EVA1C: variants seen among roughly 807,000 people sequenced by gnomAD.
The protein encoded by EVA1C is eva-1 homolog C.
EVA1C carries 25 observed loss-of-function variants against 45.4 expected under a neutral mutation model. The ratio of observed to expected loss-of-function variants is 0.55; its 90% CI spans 0.40 to 0.77. The LOEUF (loss-of-function observed/expected upper bound fraction) is 0.77, where lower values mean the gene tolerates loss of function less well. Ranked by LOEUF, EVA1C falls within the 30% of genes least tolerant of loss-of-function variation. The pLI is 0.00. For missense variants in EVA1C, 479 were observed against 554.8 expected, an observed-to-expected ratio of 0.86 and a Z score of 1.37; for synonymous variants, 190 against 221.2, an observed-to-expected ratio of 0.86 and a Z score of 1.25.
intron 1 of EVA1C, among the ~76,000 whole-genome samples, chr21:32,417,984 T>G (rs2034116877): frequency 6.6e-6 from 1 of 152,144 alleles, no homozygotes; most frequent in African/African-American, 2.4e-5. Context: ...CTTCTGCCCA[T>G]GCATCAGGTC....
chr21:32,470,974 G>C (rs1467752885), intron 4 of EVA1C, among the ~76,000 whole-genome samples: 1 of 151,930 alleles, frequency 6.6e-6, no homozygotes, highest in Non-Finnish European at 1.5e-5. Context: ...GGCCAGGCTG[G>C]TCTCAAACTC....
chr21:32,482,220 C>T (rs890260787), intron 4 of EVA1C, among the ~76,000 whole-genome samples: 3 of 152,130 alleles, frequency 2.0e-5, no homozygotes, highest in South Asian at 2.1e-4. Context: ...GATGGTCTTC[C>T]GGGACCTTAA....
chr21:32,418,814 G>A (rs139109510), intron 1 of EVA1C, among the ~76,000 whole-genome samples: 1 of 152,244 alleles, frequency 6.6e-6, no homozygotes, highest in East Asian at 1.9e-4. Context: ...GGTCATTGCT[G>A]CCATTTTGGT....
Position 32,503,863 on chromosome 21 carries a change from G to C in EVA1C, c.860-63G>C, listed in dbSNP as rs529786390. 1.0e-4 allele frequency: 120 copies of C among 1,162,842 alleles called. No individual in the cohort carries two copies. The African/African-American group carries it at 1.7e-3, about 17-fold the overall frequency. The allele number at this position is 1,162,842 out of a possible 1,614,324, so 72.0% of individuals were successfully genotyped here. ...TCCCTGGGGTAGGAGCAGCAGGGGT[G>C]TCTTAGAATAGGCGTACTATGAACA... On this transcript the variant is annotated intron_variant, in intron 6 of 7. Transcript: ENST00000300255.
chr21:32,449,922 C>G (rs779917501), intron 1 of EVA1C, among the ~76,000 whole-genome samples: 1 of 152,018 alleles, frequency 6.6e-6, no homozygotes, highest in Admixed American at 6.5e-5. Flanking sequence ...CACAACTGGC[C>G]GGGCCTAGGT....
At chr21:32,476,799 G>A (rs902076996) in intron 4 of EVA1C, among the ~76,000 whole-genome samples, 4 of 152,104 alleles carry the variant, frequency 2.6e-5, no homozygotes, top group East Asian at 1.9e-4. Context: ...ATCCTGCACC[G>A]CAGTGGGACA....
chr21:32,469,221 G>A (rs1673567453), intron 4 of EVA1C, among the ~76,000 whole-genome samples: 1 of 152,274 alleles, frequency 6.6e-6, no homozygotes, highest in Middle Eastern at 3.4e-3. Flanking sequence ...ATAATGAATG[G>A]GTGCATATGT....
intron 7 of EVA1C, among the ~76,000 whole-genome samples, chr21:32,513,554 T>TTTC (rs1555877123): frequency 2.4e-5 from 3 of 123,470 alleles, no homozygotes; most frequent in African/African-American, 9.6e-5. Context: ...TTCTTTTCTT[T>TTTC]TTTTTTTTTT....
At chr21:32,460,871 G>A (rs986540323) in intron 3 of EVA1C, among the ~76,000 whole-genome samples, 1 of 152,008 alleles carries the variant, frequency 6.6e-6, no homozygotes, top group Non-Finnish European at 1.5e-5. Flanking sequence ...TCAGCCTCCT[G>A]AGTAACTGGG....
intron 4 of EVA1C, among the ~76,000 whole-genome samples, chr21:32,470,768 T>TC (rs2036342378): frequency 6.6e-6 from 1 of 151,558 alleles, no homozygotes; most frequent in Non-Finnish European, 1.5e-5. Context: ...TTCTTTCTTT[T>TC]TTTTTTTTGA....
chr21:32,419,297 G>A (rs1601197096), intron 1 of EVA1C, among the ~76,000 whole-genome samples: 1 of 152,158 alleles, frequency 6.6e-6, no homozygotes, highest in East Asian at 1.9e-4. Flanking sequence ...TGTACTATGA[G>A]AGAACAATTG....
chr21:32,501,104 T>G (rs1449719210), intron 5 of EVA1C, among the ~76,000 whole-genome samples: 1 of 152,238 alleles, frequency 6.6e-6, no homozygotes, highest in African/African-American at 2.4e-5. Flanking sequence ...TAAGCCACCA[T>G]GCTGGGCCTT....
At chr21:32,499,484 G>A (rs1000027786) in intron 5 of EVA1C, among the ~76,000 whole-genome samples, 19 of 152,150 alleles carry the variant, frequency 1.2e-4, no homozygotes, top group African/African-American at 4.6e-4. Context: ...GCTGCTGATG[G>A]GCATGAAGGC....
Position 32,412,842 on chromosome 21 carries a change from GC to G in EVA1C, c.-11del. 1 of 1,434,796 alleles carries G rather than the reference GC, an allele frequency of 7.0e-7. No homozygotes were observed. The highest frequency in any genetic ancestry group is 9.1e-7 in the Non-Finnish European group (1 of 1,101,340). The allele number at this position is 1,434,796 out of a possible 1,614,324, so 88.9% of individuals were successfully genotyped here. A position where few individuals can be genotyped will look rare whatever the true frequency, so the allele number is the denominator to read the frequency against. On this transcript the variant is annotated 5_prime_UTR_variant, in exon 1 of 8. Coordinates refer to ENST00000300255, the MANE Select transcript of EVA1C (RefSeq NM_058187.5). The stretch of plus-strand genomic sequence containing the variant: ...CCCGGGCCTGCGCCTCCGCCCCGCC[GC>G]GCAGCGCACGATGCTTCTGCCGGGA...
chr21:32,505,512 C>A (rs2037696460), intron 7 of EVA1C, among the ~76,000 whole-genome samples: 1 of 152,202 alleles, frequency 6.6e-6, no homozygotes, highest in East Asian at 1.9e-4. Context: ...TGAGCTGTGG[C>A]CTTGCTGTGT....
chr21:32,429,302 A>G (rs911221723), intron 1 of EVA1C, among the ~76,000 whole-genome samples: 1 of 151,462 alleles, frequency 6.6e-6, no homozygotes, highest in African/African-American at 2.4e-5. Context: ...CGGCCTCCCA[A>G]AGTGCTGGGA....
intron 1 of EVA1C, among the ~76,000 whole-genome samples, chr21:32,432,010 T>G (rs1381348261): frequency 6.6e-6 from 1 of 152,210 alleles, no homozygotes; most frequent in Non-Finnish European, 1.5e-5. Flanking sequence ...GTAGGTCCCT[T>G]TTAGCCTGGA....
intron 2 of EVA1C, among the ~76,000 whole-genome samples, chr21:32,457,330 TAGC>T (rs1386439460): frequency 6.6e-6 from 1 of 152,214 alleles, no homozygotes; most frequent in East Asian, 1.9e-4. Flanking sequence ...TTGCTGAAAG[TAGC>T]AGCCGCCGCA....
At chr21:32,440,953 T>A (rs2035152963) in intron 1 of EVA1C, among the ~76,000 whole-genome samples, 1 of 152,090 alleles carries the variant, frequency 6.6e-6, no homozygotes, top group Admixed American at 6.5e-5. Context: ...ATACAAAAAA[T>A]TAGCCAGGTG....
Sources: allele counts gnomAD v4.1 joint callset (sites outside exome capture counted in the v4.1 genomes callset), GRCh38; gene constraint gnomAD v4.1.1; transcripts MANE v1.5; gene names NCBI Gene and HGNC (gene_info 2026-07-23, HGNC 2026-07-21).